Variants in AXIN1 observed in about 807,000 individuals in gnomAD.
AXIN1 encodes the protein axin-1.
A neutral mutation model predicts 76.4 loss-of-function variants in AXIN1; 30 were observed. That is an observed-to-expected ratio of 0.39 (90% CI 0.29 to 0.53). The LOEUF (loss-of-function observed/expected upper bound fraction) is 0.53. Among genes scored for constraint, AXIN1 ranks in the 20% least tolerant of loss-of-function variants. AXIN1 has a pLI of 0.66. For synonymous variants in AXIN1, 545 were observed against 501.4 expected (o/e 1.09, Z -1.16); for missense variants, 1,140 against 1,198.8 (o/e 0.95, Z 0.72).
Position 299,074 on chromosome 16 carries a change from A to T in AXIN1, c.1255-823T>A. 3 of 985,328 alleles carry T rather than the reference A, an allele frequency of 3.0e-6. No individual in the cohort carries two copies. In the South Asian group the frequency reaches 1.4e-4, roughly 46 times the overall value. 61.0% of individuals were successfully genotyped at this position (985,328 alleles called of 1,614,324 possible). On this transcript the variant is annotated intron_variant, in intron 5 of 10. Coordinates refer to ENST00000262320, the MANE Select transcript of AXIN1 (RefSeq NM_003502.4). ...GAGCCGCCGCGCCCGGCCTCCCATT[A>T]TATTTTAAGGAGAACCTTGTACAGA...
chr16:337,475 A>G lies in AXIN1; in HGVS notation c.878+8673T>C, dbSNP rs77007296. ...CCCATAGACTACAGGTGAGCTAGTA[A>G]AGATCCAGAGTGGGTCAAAACCAAA... On this transcript the variant is annotated intron_variant, in intron 2 of 10. Coordinates refer to ENST00000262320, the MANE Select transcript of AXIN1 (RefSeq NM_003502.4). Among the ~76,000 whole-genome samples the G allele has an allele frequency of 7.3e-5, 11 of 150,908 alleles. No homozygotes were observed. The East Asian group carries it at 1.9e-3, about 27-fold the overall frequency.
At chr16:309,949 G>A (rs1245646283) in intron 4 of AXIN1, 24 bp downstream of exon 4, 1 of 1,610,068 alleles carries the variant, frequency 6.2e-7, no homozygotes. Context: ...ACGATGGGCT[G>A]AGGACCGCAA....
intron 9 of AXIN1, chr16:290,846 A>C: frequency 2.4e-6 from 1 of 415,734 alleles, no homozygotes; most frequent in South Asian, 2.1e-5. Context: ...CCTGGCAGGG[A>C]CCGGCCCGTT....
intron 2 of AXIN1, among the ~76,000 whole-genome samples, chr16:341,554 G>A (rs1186383783): frequency 2.0e-5 from 3 of 152,222 alleles, no homozygotes; most frequent in African/African-American, 7.2e-5. Context: ...CACCCCCTCC[G>A]TGGGCTCCTG....
chr16:342,867 G>A (rs944739777), intron 2 of AXIN1, among the ~76,000 whole-genome samples: 4 of 152,268 alleles, frequency 2.6e-5, no homozygotes, highest in East Asian at 1.9e-4. Flanking sequence ...GCACACCTGA[G>A]GCTCTGCCTC....
chr16:336,995 A>G (rs555359506), intron 2 of AXIN1, among the ~76,000 whole-genome samples: 2 of 150,642 alleles, frequency 1.3e-5, no homozygotes, highest in African/African-American at 4.9e-5. Flanking sequence ...TAAAAACACA[A>G]AAAAATTAGC....
intron 9 of AXIN1, chr16:289,859 G>A (rs1021170798): frequency 1.7e-6 from 1 of 577,008 alleles, no homozygotes; most frequent in Non-Finnish European, 3.1e-6. Context: ...ACCCTCGACT[G>A]GCCAGGGCCT....
chr16:333,885 G>A (rs972490179), intron 2 of AXIN1, among the ~76,000 whole-genome samples: 10 of 147,702 alleles, frequency 6.8e-5, no homozygotes, highest in Non-Finnish European at 1.5e-4. Context: ...CAGCACACCA[G>A]TAACACAGCA....
intron 2 of AXIN1, among the ~76,000 whole-genome samples, chr16:328,884 T>C (rs760476041): frequency 2.1e-4 from 32 of 151,674 alleles, no homozygotes; most frequent in Non-Finnish European, 4.0e-4. Flanking sequence ...CTGCTCCGCT[T>C]TCCAGGAGAG....
rs2141705825 is a variant in AXIN1 at position 346,684 on chromosome 16, C to G, written c.342G>C (p.Leu114Phe). The G allele has an allele frequency of 6.4e-7, 1 of 1,566,882 alleles. No homozygotes were observed. The highest frequency in any genetic ancestry group is 8.6e-7 in the Non-Finnish European group (1 of 1,157,242). Residue 114 changes from leucine (L) to phenylalanine (F), a missense_variant, in exon 2 of 11, where the codon TTG (leucine) becomes TTC (phenylalanine). By Grantham distance (22) the Leu-to-Phe change is conservative (BLOSUM62 0). Coordinates refer to ENST00000262320, the MANE Select transcript of AXIN1 (RefSeq NM_003502.4). ...CAGTGCAGGCAAACCAGAAGTCCAG[C>G]AAGTCGGCACAGCCCTCCTGCTTCA... ...TFLKQEGCAD[L>F]LDFWFACTGF...
At chr16:325,725 G>C (rs966480353) in intron 2 of AXIN1, among the ~76,000 whole-genome samples, 1 of 152,112 alleles carries the variant, frequency 6.6e-6, no homozygotes, top group Non-Finnish European at 1.5e-5. Flanking sequence ...CTGAGAAGAA[G>C]AGAGGAGAGC....
intron 3 of AXIN1, among the ~76,000 whole-genome samples, chr16:311,902 G>A (rs576422270): frequency 6.6e-6 from 1 of 152,346 alleles, no homozygotes; most frequent in African/African-American, 2.4e-5. Flanking sequence ...CCCGACCCAG[G>A]GCTGCGTGGC....
At chr16:314,474 AC>A in intron 3 of AXIN1, 68 bp downstream of exon 3, 1 of 1,605,140 alleles carries the variant, frequency 6.2e-7, no homozygotes, top group Non-Finnish European at 8.5e-7. Flanking sequence ...TCCTCAAGGG[AC>A]AAGGTGTCTG....
intron 2 of AXIN1, among the ~76,000 whole-genome samples, chr16:316,412 C>T (rs1222305338): frequency 6.6e-6 from 1 of 152,242 alleles, no homozygotes; most frequent in Non-Finnish European, 1.5e-5. Context: ...AAGGCATGTG[C>T]CCCTTCCGGG....
chr16:307,251 C>G (rs1004655863), intron 4 of AXIN1, among the ~76,000 whole-genome samples: 1 of 152,194 alleles, frequency 6.6e-6, no homozygotes, highest in Admixed American at 6.5e-5. Flanking sequence ...TGCCGCCACG[C>G]GAGCTCCATA....
At chr16:320,540 TC>T (rs1175767747) in intron 2 of AXIN1, among the ~76,000 whole-genome samples, 2 of 152,034 alleles carry the variant, frequency 1.3e-5, no homozygotes, top group African/African-American at 4.8e-5. Context: ...CTTCACAGCA[TC>T]CCTCCACATC....
intron 3 of AXIN1, 96 bp downstream of exon 3, chr16:314,447 G>A (rs2141591293): frequency 6.4e-7 from 1 of 1,568,598 alleles, no homozygotes; most frequent in Non-Finnish European, 8.7e-7. Flanking sequence ...GTCTGGGGCA[G>A]GACTTACACA....
At chr16:345,935 C>T (rs933203589) in intron 2 of AXIN1, among the ~76,000 whole-genome samples, 4 of 152,218 alleles carry the variant, frequency 2.6e-5, no homozygotes, top group African/African-American at 2.4e-5. Flanking sequence ...ATATTTTAGT[C>T]TGTTCTCAGT....
intron 7 of AXIN1, among the ~76,000 whole-genome samples, chr16:296,553 G>C (rs1353763946): frequency 6.6e-6 from 1 of 152,208 alleles, no homozygotes; most frequent in Non-Finnish European, 1.5e-5. Context: ...TGGACCTGTG[G>C]CGCCGGGGCC....
Sources: allele counts gnomAD v4.1 joint callset (sites outside exome capture counted in the v4.1 genomes callset), GRCh38; gene constraint gnomAD v4.1.1; transcripts MANE v1.5; gene names NCBI Gene and HGNC (gene_info 2026-07-23, HGNC 2026-07-21).